Variants in HNRNPM observed in about 807,000 individuals in gnomAD.
The protein encoded by HNRNPM is heterogeneous nuclear ribonucleoprotein M, also known as CEA receptor.
HNRNPM carries 11 observed loss-of-function variants against 73.1 expected under a neutral mutation model. The observed-to-expected ratio is 0.15, with a 90% CI of 0.09 to 0.25. The LOEUF is 0.25. Ranked by LOEUF, HNRNPM falls within the 10% of genes least tolerant of loss-of-function variation. The pLI is 1.00. For synonymous variants in HNRNPM, 407 were observed against 355.2 expected, an observed-to-expected ratio of 1.15 and a Z score of -1.64; for missense variants, 789 against 1,067.9, an observed-to-expected ratio of 0.74 and a Z score of 3.64.
intron 14 of HNRNPM, 99 bp downstream of exon 14, chr19:8,486,504 G>T: frequency 1.0e-6 from 1 of 1,000,684 alleles, no homozygotes; most frequent in East Asian, 2.5e-5. Context: ...CCCTTCAAAG[G>T]GGACCACACC....
chr19:8,467,525 G>GT lies in HNRNPM; in HGVS notation c.785-9dup. On this transcript the variant is annotated splice_polypyrimidine_tract_variant and intron_variant, in intron 7 of 15. Coordinates refer to ENST00000325495, the MANE Select transcript of HNRNPM (RefSeq NM_005968.5). ...AGAATTGCAAGAAATAGCCTTAATTGTAATACCAGCTATGTTCAATGGCCA... is the reference window on the plus strand; with the variant it reads ...AGAATTGCAAGAAATAGCCTTAATTGTTAATACCAGCTATGTTCAATGGCCA... 6.2e-7 allele frequency: 1 copy of GT among 1,606,956 alleles called. No homozygotes were observed. Among genetic ancestry groups the GT allele is most frequent in the South Asian group, 1.1e-5 (1 of 90,852 alleles).
At chr19:8,481,486 G>C (rs758966682) in intron 12 of HNRNPM, 1 of 141,054 alleles carries the variant, frequency 7.1e-6, no homozygotes, top group African/African-American at 2.4e-5. Flanking sequence ...TGTGAATGCC[G>C]ATGGGAGAAT....
chr19:8,474,163 G>T lies in HNRNPM; in HGVS notation c.1043-4G>T. 6.3e-7 allele frequency: 1 copy of T among 1,584,038 alleles called. No individual in the cohort carries two copies. The highest frequency in any genetic ancestry group is 8.6e-7 in the Non-Finnish European group (1 of 1,166,982). On this transcript the variant is annotated splice_polypyrimidine_tract_variant and splice_region_variant and intron_variant, in intron 11 of 15. Transcript: ENST00000325495. ...TGATGCTGAAATGTGAACCTCTCTTGCAGGAATGGAGGGGCCCTTTGGTGG... is the reference window on the plus strand; with the variant it reads ...TGATGCTGAAATGTGAACCTCTCTTTCAGGAATGGAGGGGCCCTTTGGTGG...
intron 8 of HNRNPM, among the ~76,000 whole-genome samples, chr19:8,467,811 G>A (rs929454141): frequency 6.6e-6 from 1 of 152,128 alleles, no homozygotes; most frequent in Non-Finnish European, 1.5e-5. Context: ...CGGATCATGA[G>A]GTCAGCAGTT....
intron 14 of HNRNPM, among the ~76,000 whole-genome samples, 198 bp from the exon 15 acceptor site, chr19:8,486,826 A>G (rs1340125608): frequency 6.6e-6 from 1 of 152,182 alleles, no homozygotes; most frequent in South Asian, 2.1e-4. Context: ...GCAGAGCCCC[A>G]GGGAGGGAGC....
In HNRNPM at chr19:8,463,394, T is replaced by A; in HGVS notation, c.337-103T>A. ...TAAAAGACTAACTTTGTGACATAAATCATATTTTTAGTTTGTTTATAACTG... is the reference window on the plus strand; with the variant it reads ...TAAAAGACTAACTTTGTGACATAAAACATATTTTTAGTTTGTTTATAACTG... On this transcript the variant is annotated intron_variant, in intron 3 of 15. Coordinates refer to ENST00000325495, the MANE Select transcript of HNRNPM (RefSeq NM_005968.5). The A allele has an allele frequency of 3.1e-6, 4 of 1,281,796 alleles. No individual in the cohort carries two copies. In the Admixed American group the frequency reaches 7.0e-5, roughly 22 times the overall value. 79.4% of individuals were successfully genotyped at this position (1,281,796 alleles called of 1,614,324 possible).
At chr19:8,469,938 G>A (rs1434096857) in intron 9 of HNRNPM, among the ~76,000 whole-genome samples, 4 of 152,234 alleles carry the variant, frequency 2.6e-5, no homozygotes, top group African/African-American at 9.6e-5. Context: ...TCATGAGAAG[G>A]CTCATCTGTT....
intron 1 of HNRNPM, among the ~76,000 whole-genome samples, chr19:8,451,866 A>G (rs1968656235): frequency 6.6e-6 from 1 of 152,098 alleles, no homozygotes; most frequent in South Asian, 2.1e-4. Flanking sequence ...TATTTCTTTG[A>G]GGGTCATTCT....
At position 8,486,181 on chromosome 19, in the gene HNRNPM, G is replaced by A. The variant is rs530155055; in HGVS notation, c.1753G>A (p.Gly585Ser). The A allele has an allele frequency of 7.6e-6, 12 of 1,585,104 alleles. No homozygotes were observed. In the East Asian group the frequency reaches 2.7e-4, roughly 36 times the overall value. Residue 585 changes from glycine (G) to serine (S), a missense_variant, in exon 14 of 16, where the codon GGT becomes AGT. By Grantham distance (56) the Gly-to-Ser change is moderately conservative. Coordinates refer to ENST00000325495, the MANE Select transcript of HNRNPM (RefSeq NM_005968.5). ...CGAGCGCATGGGCCTGGAGCGCATG[G>A]GTGCCAACAGCCTCGAGCGCATGGG... The part of the protein sequence containing the change: ...SLERMGLERM[G>S]ANSLERMGPA...
At chr19:8,478,089 C>G (rs542781015) in intron 12 of HNRNPM, among the ~76,000 whole-genome samples, 5 of 152,304 alleles carry the variant, frequency 3.3e-5, no homozygotes, top group African/African-American at 1.2e-4. Context: ...TTTGATTTAG[C>G]TGCACTGCAG....
In HNRNPM at chr19:8,479,801, G is replaced by GTC. The variant is rs1262555272; in HGVS notation, c.1121-3354_1121-3353dup. On this transcript the variant is annotated intron_variant, in intron 12 of 15. Transcript: ENST00000325495. ...TTTTTTTTTTTTTTTTTGCGACAGA[G>GTC]TCTCGCTCTATTGCCCAGGCTGGAG... is the stretch of plus-strand genomic sequence containing the variant. Among the ~76,000 whole-genome samples, 5 of 126,042 alleles carry GTC rather than the reference G, an allele frequency of 4.0e-5. No individual in the cohort carries two copies. The Admixed American group carries it at 4.4e-4, about 11-fold the overall frequency. The allele number at this position is 126,042 out of a possible 152,430, so 82.7% of individuals were successfully genotyped here.
At chr19:8,472,187 A>C (rs1970196840) in intron 10 of HNRNPM, among the ~76,000 whole-genome samples, 1 of 151,816 alleles carries the variant, frequency 6.6e-6, no homozygotes, top group African/African-American at 2.4e-5. Context: ...AAAAAAAAAA[A>C]AAAAACCTGC....
In HNRNPM at chr19:8,463,484, G is replaced by C; in HGVS notation, c.337-13G>C. Reference sequence around the variant, plus strand: ...TCCTTGCTCTTCTGACTGGTCTCTGGCTTCCTCCAAAGGGATGTGCGTAAG... The same window carrying C: ...TCCTTGCTCTTCTGACTGGTCTCTGCCTTCCTCCAAAGGGATGTGCGTAAG... On this transcript the variant is annotated splice_polypyrimidine_tract_variant and intron_variant, in intron 3 of 15. Transcript: ENST00000325495. The C allele has an allele frequency of 6.2e-7, 1 of 1,613,420 alleles. No homozygotes were observed. Among genetic ancestry groups the C allele is most frequent in the Non-Finnish European group, 8.5e-7 (1 of 1,179,646 alleles).
chr19:8,482,353 C>T (rs150250018), intron 12 of HNRNPM, among the ~76,000 whole-genome samples: 4 of 152,176 alleles, frequency 2.6e-5, no homozygotes, highest in East Asian at 3.9e-4. Context: ...GAGACCAGAG[C>T]GGGTGGGTAC....
chr19:8,480,891 G>A (rs1050117078), intron 12 of HNRNPM, among the ~76,000 whole-genome samples: 2 of 152,066 alleles, frequency 1.3e-5, no homozygotes, highest in Non-Finnish European at 2.9e-5. Context: ...CTCCCGCTGC[G>A]GTTACACCTT....
intron 1 of HNRNPM, among the ~76,000 whole-genome samples, chr19:8,448,017 C>T: frequency 6.6e-6 from 1 of 152,202 alleles, no homozygotes; most frequent in East Asian, 1.9e-4. Flanking sequence ...CAGAGCGATA[C>T]TCCTTCTTCA....
chr19:8,455,903 G>C (rs540740059), intron 2 of HNRNPM, among the ~76,000 whole-genome samples: 10 of 145,476 alleles, frequency 6.9e-5, no homozygotes, highest in Non-Finnish European at 1.4e-4. Context: ...GAAATTTTTT[G>C]AATTTTGCAC....
At chr19:8,467,334 C>T (rs1034228727) in intron 7 of HNRNPM, among the ~76,000 whole-genome samples, 3 of 152,266 alleles carry the variant, frequency 2.0e-5, no homozygotes, top group African/African-American at 7.2e-5. Context: ...AAGGAATAAG[C>T]GGAAGTTGTC....
chr19:8,480,852 T>C (rs920618044), intron 12 of HNRNPM, among the ~76,000 whole-genome samples: 7 of 152,122 alleles, frequency 4.6e-5, no homozygotes, highest in African/African-American at 1.7e-4. Flanking sequence ...CAGGAAACTG[T>C]TCCTGTCCTG....
Sources: allele counts gnomAD v4.1 joint callset (sites outside exome capture counted in the v4.1 genomes callset), GRCh38; gene constraint gnomAD v4.1.1; transcripts MANE v1.5; gene names NCBI Gene and HGNC (gene_info 2026-07-23, HGNC 2026-07-21).